The following FARP1 variants were observed in gnomAD, a reference collection of about 807,000 sequenced individuals.
The protein encoded by FARP1 is FERM, ARH/RhoGEF and pleckstrin domain protein 1.
Under a neutral mutation model 128.8 loss-of-function variants are expected in FARP1, and 52 were observed. That is an observed-to-expected ratio of 0.40 (90% CI 0.32 to 0.51). The LOEUF (loss-of-function observed/expected upper bound fraction) is 0.51. FARP1 is among the 20% of genes least tolerant of loss of function. FARP1 has a pLI of 0.45. For missense variants in FARP1, 1,333 were observed against 1,367.9 expected (o/e 0.97, Z 0.40); for synonymous variants, 580 against 551.8 (o/e 1.05, Z -0.72).
rs781266897 is a variant in FARP1 at position 98,439,962 on chromosome 13, T to C, written c.2435T>C (p.Ile812Thr). ...GACGTTATCTTCTCTTGCCCACAGA[T>C]TGAGGAGAGCGAAGACGAGTGGGGG... The part of the protein sequence containing the change: ...HGQLPLYGMT[I>T]EESEDEWGVP... The change falls in exon 22 of 27, where the codon ATT becomes ACT. Residue 812 changes from isoleucine (I) to threonine (T), a missense_variant and splice_region_variant. Physicochemically the swap from Ile to Thr is moderately conservative, Grantham distance 89. This residue lies in a region of FARP1 where 1,009 missense variants were observed against 969.8 expected (regional missense o/e 1.04). Transcript: ENST00000319562. 5.7e-6 allele frequency: 9 copies of C among 1,567,584 alleles called. No homozygotes were observed. In the East Asian group the frequency reaches 6.8e-5, roughly 12 times the overall value.
intron 2 of FARP1, among the ~76,000 whole-genome samples, chr13:98,259,884 TGTG>T (rs1883789099): frequency 7.3e-6 from 1 of 136,952 alleles, no homozygotes; most frequent in Non-Finnish European, 1.5e-5. Flanking sequence ...ACCTGAAAAG[TGTG>T]TGTGTGTGTG....
intron 5 of FARP1, among the ~76,000 whole-genome samples, chr13:98,377,300 C>CAA (rs78313498): frequency 4.0e-5 from 4 of 99,690 alleles, no homozygotes; most frequent in Non-Finnish European, 4.3e-5. Context: ...GACTTTGTCT[C>CAA]AAAAAAAAAA....
chr13:98,370,097 G>A (rs1410351702), intron 5 of FARP1, among the ~76,000 whole-genome samples: 2 of 152,214 alleles, frequency 1.3e-5, no homozygotes, highest in African/African-American at 4.8e-5. Context: ...ATTGAAGTAG[G>A]AGGATGTGAT....
At chr13:98,409,040 T>C (rs1396784554) in intron 13 of FARP1, among the ~76,000 whole-genome samples, 1 of 152,248 alleles carries the variant, frequency 6.6e-6, no homozygotes, top group Non-Finnish European at 1.5e-5. Context: ...AGTTGGGAGA[T>C]GAAATTCCTA....
intron 8 of FARP1, 110 bp downstream of exon 8, chr13:98,385,924 C>G: frequency 8.3e-7 from 1 of 1,199,724 alleles, no homozygotes; most frequent in Non-Finnish European, 1.2e-6. Flanking sequence ...GGTTATTTTT[C>G]GGCGAACAAA....
chr13:98,153,405 T>A (rs1371473229), intron 1 of FARP1, among the ~76,000 whole-genome samples: 1 of 85,108 alleles, frequency 1.2e-5, no homozygotes. Context: ...ACATTATATA[T>A]AAATATGTAT....
intron 2 of FARP1, among the ~76,000 whole-genome samples, chr13:98,214,856 C>G (rs1880966805): frequency 6.6e-6 from 1 of 152,190 alleles, no homozygotes; most frequent in Non-Finnish European, 1.5e-5. Flanking sequence ...ATTGGGCCTC[C>G]TGGCACACGT....
rs569160287 is a variant in FARP1, at chr13:98,395,043, G to T, written c.1165-184G>T. On this transcript the variant is annotated intron_variant, in intron 12 of 26. Transcript: ENST00000319562. ...TGCTGTCAGCCGCCACGCCCTGAAG[G>T]AACCTTCTGGATCATGCCCAGATGT... Among the ~76,000 whole-genome samples the T allele has an allele frequency of 1.0e-3, 159 of 152,306 alleles. 1 individual carries two copies. The highest frequency in any genetic ancestry group is 3.7e-3 in the African/African-American group (155 of 41,566).
intron 8 of FARP1, chr13:98,386,029 T>C (rs1890080196): frequency 5.6e-6 from 3 of 532,302 alleles, no homozygotes; most frequent in African/African-American, 3.8e-5. Context: ...GAATCCACAT[T>C]ACAGATTTGT....
intron 2 of FARP1, among the ~76,000 whole-genome samples, chr13:98,232,161 T>TTTTTTTTTTC (rs1882166441): frequency 6.7e-6 from 1 of 148,440 alleles, no homozygotes; most frequent in Non-Finnish European, 1.5e-5. Flanking sequence ...TTTTTTTTTT[T>TTTTTTTTTTC]TTTTTGCTTA....
chr13:98,366,886 C>CT (rs1449433264), intron 4 of FARP1, among the ~76,000 whole-genome samples: 1 of 151,676 alleles, frequency 6.6e-6, no homozygotes, highest in Non-Finnish European at 1.5e-5. Flanking sequence ...GTCATTTTTG[C>CT]TTTTTTTAAA....
At position 98,393,703 on chromosome 13, in the gene FARP1, G is replaced by A. The variant is rs371310874; in HGVS notation, c.1149G>A (p.Ser383=). 8 of 1,613,608 alleles carry A rather than the reference G, an allele frequency of 5.0e-6. No individual in the cohort carries two copies. Among genetic ancestry groups the A allele is most frequent in the Non-Finnish European group, 5.9e-6 (7 of 1,179,586 alleles). Residue 383 remains serine (S), a synonymous_variant, in exon 12 of 27, where the codon TCG becomes TCA. Transcript: ENST00000319562. ...CTTCACAGCCTACAGAACTGAATTCGGAAGTGCTGGAGCAGGTCAGTGATG... is the reference window on the plus strand; with the variant it reads ...CTTCACAGCCTACAGAACTGAATTCAGAAGTGCTGGAGCAGGTCAGTGATG... ...SLASQPTELN[S]EVLEQSQQST... is the part of the protein sequence containing the mutation.
chr13:98,289,971 C>T (rs1885371351), intron 2 of FARP1, among the ~76,000 whole-genome samples: 1 of 152,094 alleles, frequency 6.6e-6, no homozygotes, highest in East Asian at 1.9e-4. Context: ...GTGTTTCATA[C>T]ACACGCGTAC....
intron 1 of FARP1, among the ~76,000 whole-genome samples, chr13:98,148,960 C>T (rs1341571152): frequency 6.6e-6 from 1 of 151,986 alleles, no homozygotes; most frequent in Non-Finnish European, 1.5e-5. Context: ...GATCTCGGCT[C>T]ACTGCAGCCT....
intron 2 of FARP1, among the ~76,000 whole-genome samples, chr13:98,295,048 C>A (rs553634863): frequency 2.3e-4 from 1 of 4,332 alleles, no homozygotes. Context: ...ATATATATTA[C>A]ACACACACAC....
At position 98,180,962 on chromosome 13, in the gene FARP1, T is replaced by G. The variant is rs139280197; in HGVS notation, c.-23-32258T>G. On this transcript the variant is annotated intron_variant, in intron 1 of 26. Transcript: ENST00000319562. ...ATACTCTGTTGTTAGATTATGTGTT[T>G]CCTCATTTATATACCTTTCCCTGTG... is the stretch of plus-strand genomic sequence containing the variant. Among the ~76,000 whole-genome samples, 131 of 152,350 alleles carry G rather than the reference T, an allele frequency of 8.6e-4. 1 individual carries two copies. The South Asian group carries it at 0.011, about 13-fold the overall frequency.
At chr13:98,439,238 G>C in intron 21 of FARP1, 42 bp downstream of exon 21, 1 of 1,428,276 alleles carries the variant, frequency 7.0e-7, no homozygotes, top group Non-Finnish European at 9.7e-7. Context: ...TGTCCTCGGG[G>C]GCAGCAGGTG....
Position 98,449,324 on chromosome 13 carries a change from C to CAT in FARP1, c.*1008_*1009dup, listed in dbSNP as rs1304881045. 8 of 152,152 alleles carry CAT rather than the reference C, an allele frequency of 5.3e-5. No homozygotes were observed. Among genetic ancestry groups the CAT allele is most frequent in the Non-Finnish European group, 1.0e-4 (7 of 68,032 alleles). The allele number at this position is 152,152 out of a possible 1,614,324, so 9.4% of individuals were successfully genotyped here. ...TATATATCGTGCCTGTCTTCAAAAA[C>CAT]ATTTCCCTTTTTATACTCATTCCCC... On this transcript the variant is annotated 3_prime_UTR_variant, in exon 27 of 27. Transcript: ENST00000319562.
intron 2 of FARP1, among the ~76,000 whole-genome samples, chr13:98,225,171 CATTTT>C (rs1320090913): frequency 6.6e-6 from 1 of 152,212 alleles, no homozygotes; most frequent in Non-Finnish European, 1.5e-5. Context: ...TTAGCCTGAT[CATTTT>C]TGTAAGGACG....
Sources: gnomAD v4.1 joint callset for allele counts (sites outside exome capture counted in the v4.1 genomes callset) on GRCh38, gnomAD v4.1.1 for gene constraint, gnomAD v4.1.1 regional missense constraint, MANE v1.5 for transcripts, NCBI Gene and HGNC (gene_info 2026-07-23, HGNC 2026-07-21) for gene names.